The following PKP4 variants were observed in gnomAD, a reference collection of about 807,000 sequenced individuals.
PKP4 encodes plakophilin-4.
A neutral mutation model predicts 145.1 loss-of-function variants in PKP4; 90 were observed. That is an observed-to-expected ratio of 0.62 (90% CI 0.52 to 0.74). The LOEUF (loss-of-function observed/expected upper bound fraction) is 0.74, where lower values mean the gene tolerates loss of function less well. Ranked by LOEUF, PKP4 falls within the 30% of genes least tolerant of loss-of-function variation. The pLI, the probability that PKP4 is intolerant of heterozygous loss-of-function variation, is 0.00. For missense variants in PKP4, 1,340 were observed against 1,482.7 expected, an observed-to-expected ratio of 0.90 and a Z score of 1.58; for synonymous variants, 563 against 577.2, an observed-to-expected ratio of 0.98 and a Z score of 0.35.
chr2:158,596,232 A>G (rs2049728340), intron 3 of PKP4, among the ~76,000 whole-genome samples: 1 of 152,224 alleles, frequency 6.6e-6, no homozygotes. Flanking sequence ...AATTGAAAGT[A>G]AGATAATAAA....
At chr2:158,625,517 G>T in intron 7 of PKP4, 90 bp downstream of exon 7, 2 of 1,078,784 alleles carry the variant, frequency 1.9e-6, no homozygotes, top group South Asian at 1.8e-5. Context: ...AGGTGGAAAA[G>T]GCTCATTCGT....
Position 158,526,882 on chromosome 2 carries a change from A to G in PKP4, c.-5-6298A>G. 3.0e-5 allele frequency among the ~76,000 whole-genome samples: 2 copies of G among 66,100 alleles called. 1 individual carries two copies. Among genetic ancestry groups the G allele is most frequent in the Non-Finnish European group, 5.7e-5 (2 of 35,054 alleles). The allele number at this position is 66,100 out of a possible 152,430, so 43.4% of individuals were successfully genotyped here. ...CCAAATCATGAGTGAACTCCCATTC[A>G]CAATTGCTTCAAAGAGAATAAAATA... On this transcript the variant is annotated intron_variant, in intron 1 of 21. Transcript: ENST00000389759.
intron 3 of PKP4, among the ~76,000 whole-genome samples, chr2:158,602,443 A>G (rs951620478): frequency 2.6e-5 from 4 of 152,150 alleles, no homozygotes; most frequent in African/African-American, 7.2e-5. Context: ...CTGTAACACC[A>G]TGGTTTCCTG....
rs780082429 is a variant in PKP4 at position 158,663,063 on chromosome 2, A to G, written c.2378A>G (p.Lys793Arg). Residue 793 changes from lysine (K) to arginine (R), a missense_variant, in exon 14 of 22, where the codon AAA becomes AGA. Physicochemically the swap from Lys to Arg is conservative, Grantham distance 26. Transcript: ENST00000389759. ...TGCTGGGGGAAGAAGAAGAAAAAGA[A>G]AAAGAGGACTCCGCAAGAAGATCAA... is the stretch of plus-strand genomic sequence containing the variant. ...PSCWGKKKKK[K>R]KRTPQEDQWD... 1.6e-5 allele frequency: 25 copies of G among 1,610,940 alleles called. No individual in the cohort carries two copies. Among genetic ancestry groups the G allele is most frequent in the Non-Finnish European group, 1.9e-5 (22 of 1,179,210 alleles).
intron 11 of PKP4, among the ~76,000 whole-genome samples, chr2:158,656,780 C>G (rs1039394203): frequency 6.6e-6 from 1 of 152,198 alleles, no homozygotes; most frequent in Non-Finnish European, 1.5e-5. Context: ...TTGTTTCACT[C>G]TCTTCACTTC....
chr2:158,523,864 C>T (rs2105580944), intron 1 of PKP4, among the ~76,000 whole-genome samples: 1 of 140,832 alleles, frequency 7.1e-6, no homozygotes, highest in East Asian at 2.1e-4. Flanking sequence ...ATGTGATCAA[C>T]TGGAAGAAAG....
At chr2:158,475,259 T>C (rs1248503907) in intron 1 of PKP4, among the ~76,000 whole-genome samples, 1 of 152,080 alleles carries the variant, frequency 6.6e-6, no homozygotes, top group Non-Finnish European at 1.5e-5. Context: ...TTTATTAGAG[T>C]TTTATTATTT....
chr2:158,678,313 T>C (rs1262285393), intron 20 of PKP4, among the ~76,000 whole-genome samples: 1 of 152,236 alleles, frequency 6.6e-6, no homozygotes, highest in Non-Finnish European at 1.5e-5. Context: ...CCTTTGCGCA[T>C]GGGCTCTGCA....
At chr2:158,575,211 C>T (rs1332434620) in intron 2 of PKP4, among the ~76,000 whole-genome samples, 1 of 152,122 alleles carries the variant, frequency 6.6e-6, no homozygotes, top group Non-Finnish European at 1.5e-5. Flanking sequence ...GGATCTTGAC[C>T]TTGAGACCTA....
At chr2:158,616,376 C>T (rs1188466720) in intron 4 of PKP4, among the ~76,000 whole-genome samples, 1 of 152,178 alleles carries the variant, frequency 6.6e-6, no homozygotes, top group African/African-American at 2.4e-5. Flanking sequence ...ATTTCTGCAC[C>T]TCTGTGGAAA....
At chr2:158,468,187 T>G (rs908037460) in intron 1 of PKP4, among the ~76,000 whole-genome samples, 1 of 152,218 alleles carries the variant, frequency 6.6e-6, no homozygotes, top group Non-Finnish European at 1.5e-5. Flanking sequence ...CTTTCTACAT[T>G]ATGCACTGAA....
chr2:158,597,599 G>A (rs1354152380), intron 3 of PKP4, among the ~76,000 whole-genome samples: 3 of 152,154 alleles, frequency 2.0e-5, no homozygotes, highest in African/African-American at 7.2e-5. Flanking sequence ...CCAGAGAGAA[G>A]GCTATAGATG....
chr2:158,582,346 C>A (rs533294021), intron 3 of PKP4, among the ~76,000 whole-genome samples: 1 of 152,252 alleles, frequency 6.6e-6, no homozygotes, highest in African/African-American at 2.4e-5. Flanking sequence ...GTTACTTATG[C>A]ATTCAATATT....
In PKP4 at chr2:158,522,846, T is replaced by C. The variant is rs578100693; in HGVS notation, c.-5-10334T>C. On this transcript the variant is annotated intron_variant, in intron 1 of 21. Coordinates refer to ENST00000389759, the MANE Select transcript of PKP4 (RefSeq NM_003628.6). ...AGCGCAAGGGGTCAGGGAGTTCCCT[T>C]TCCGAGTCAAAGAAAGGGGTGACGG... Among the ~76,000 whole-genome samples the C allele has an allele frequency of 4.0e-4, 61 of 152,242 alleles. 2 individuals carry two copies. In the South Asian group the frequency reaches 0.013, roughly 32 times the overall value.
chr2:158,674,685 A>G (rs980332892), intron 19 of PKP4, among the ~76,000 whole-genome samples: 10 of 152,174 alleles, frequency 6.6e-5, no homozygotes, highest in Non-Finnish European at 1.5e-4. Flanking sequence ...TTCAGACTTA[A>G]TTTTTTTACA....
chr2:158,493,043 C>A (rs1007320394), intron 1 of PKP4, among the ~76,000 whole-genome samples: 1 of 151,940 alleles, frequency 6.6e-6, no homozygotes, highest in Non-Finnish European at 1.5e-5. Flanking sequence ...TTATAACAGT[C>A]CTTTGACCCC....
At chr2:158,532,791 T>A (rs904420003) in intron 1 of PKP4, among the ~76,000 whole-genome samples, 1 of 152,264 alleles carries the variant, frequency 6.6e-6, no homozygotes, top group East Asian at 1.9e-4. Context: ...GTTATTAATA[T>A]GTTATATTTC....
chr2:158,637,773 G>A (rs533480432), intron 9 of PKP4, among the ~76,000 whole-genome samples: 19 of 152,342 alleles, frequency 1.2e-4, no homozygotes, highest in African/African-American at 3.8e-4. Flanking sequence ...AATCCAGTAC[G>A]AGTTACTCTA....
chr2:158,658,152 CAT>C lies in PKP4; in HGVS notation c.1932_1933del (p.Cys645Ter). The C allele has an allele frequency of 6.3e-7, 1 of 1,599,944 alleles. No homozygotes were observed. The highest frequency in any genetic ancestry group is 8.6e-7 in the Non-Finnish European group (1 of 1,169,294). On this transcript the variant is annotated frameshift_variant, in exon 12 of 22. Transcript: ENST00000389759. LOFTEE classifies it high-confidence loss of function. ...TTAGGAGTTCTTTGGAATTTATCCT[CAT>C]GTGATGCTGTAAAAATGACAATCAT...
Sources: allele counts gnomAD v4.1 joint callset (sites outside exome capture counted in the v4.1 genomes callset), GRCh38; gene constraint gnomAD v4.1.1; transcripts MANE v1.5; gene names NCBI Gene and HGNC (gene_info 2026-07-23, HGNC 2026-07-21).